Variants in PPP2R5A observed in about 807,000 individuals in gnomAD.
PPP2R5A encodes protein phosphatase 2 regulatory subunit B'alpha.
PPP2R5A carries 25 observed loss-of-function variants against 64.2 expected under a neutral mutation model. That is an observed-to-expected ratio of 0.39 (90% CI 0.28 to 0.54). PPP2R5A has a LOEUF of 0.54. Ranked by LOEUF, PPP2R5A falls within the 20% of genes least tolerant of loss-of-function variation. The pLI, the probability that PPP2R5A is intolerant of heterozygous loss-of-function variation, is 0.67. For missense variants in PPP2R5A, 425 were observed against 576.3 expected (o/e 0.74, Z 2.69); for synonymous variants, 198 against 201.2 (o/e 0.98, Z 0.13).
At chr1:212,347,506 G>T in intron 6 of PPP2R5A, 100 bp downstream of exon 6, 3 of 859,280 alleles carry the variant, frequency 3.5e-6, no homozygotes, top group East Asian at 2.7e-5. Context: ...ATATTTTAGA[G>T]TTTAAATGTA....
At chr1:212,321,592 G>A (rs1255725673) in intron 1 of PPP2R5A, among the ~76,000 whole-genome samples, 3 of 147,056 alleles carry the variant, frequency 2.0e-5, no homozygotes, top group Non-Finnish European at 4.4e-5. Flanking sequence ...CCCAGACAGG[G>A]TGGCAGGGCA....
At chr1:212,312,608 T>G (rs993887404) in intron 1 of PPP2R5A, among the ~76,000 whole-genome samples, 2 of 152,208 alleles carry the variant, frequency 1.3e-5, no homozygotes, top group Admixed American at 1.3e-4. Flanking sequence ...ATTTCATAGC[T>G]TTCAGGTACA....
chr1:212,300,852 A>T (rs1658788077), intron 1 of PPP2R5A, among the ~76,000 whole-genome samples: 1 of 152,078 alleles, frequency 6.6e-6, no homozygotes, highest in African/African-American at 2.4e-5. Flanking sequence ...TGGAAAATCC[A>T]ATTTAAAGAA....
At chr1:212,305,516 A>G (rs1008675244) in intron 1 of PPP2R5A, among the ~76,000 whole-genome samples, 1 of 152,006 alleles carries the variant, frequency 6.6e-6, no homozygotes, top group African/African-American at 2.4e-5. Flanking sequence ...GGAGTGTTCT[A>G]TAGTGAGTAT....
At position 212,345,940 on chromosome 1, in the gene PPP2R5A, T is replaced by C. The variant is rs1170468478; in HGVS notation, c.704+7T>C. The C allele has an allele frequency of 6.3e-7, 1 of 1,582,036 alleles. No individual in the cohort carries two copies. ...TTAACAACATTTTCCTCAGGTAAAT[T>C]AATCATTTATTGTATATTGCACCTT... On this transcript the variant is annotated splice_region_variant and intron_variant, in intron 5 of 12. Transcript: ENST00000261461.
At chr1:212,324,046 T>C (rs1471798468) in intron 1 of PPP2R5A, among the ~76,000 whole-genome samples, 1 of 151,000 alleles carries the variant, frequency 6.6e-6, no homozygotes. Context: ...CACTCCAGCC[T>C]GGGCGACAGA....
At chr1:212,355,577 A>T (rs887825220) in intron 8 of PPP2R5A, among the ~76,000 whole-genome samples, 2 of 152,134 alleles carry the variant, frequency 1.3e-5, no homozygotes, top group African/African-American at 4.8e-5. Flanking sequence ...GTTTCTGATA[A>T]ATTCTTTTAG....
chr1:212,307,826 A>G (rs1451351564), intron 1 of PPP2R5A, among the ~76,000 whole-genome samples: 1 of 152,094 alleles, frequency 6.6e-6, no homozygotes, highest in Non-Finnish European at 1.5e-5. Flanking sequence ...GAACGTCTTC[A>G]TTTTGCCTTC....
chr1:212,301,348 C>A (rs1380308483), intron 1 of PPP2R5A, among the ~76,000 whole-genome samples: 1 of 152,100 alleles, frequency 6.6e-6, no homozygotes, highest in Non-Finnish European at 1.5e-5. Flanking sequence ...GCAGTAGTTG[C>A]GGATATACTT....
chr1:212,312,713 C>A (rs1444571571), intron 1 of PPP2R5A, among the ~76,000 whole-genome samples: 2 of 152,194 alleles, frequency 1.3e-5, no homozygotes, highest in African/African-American at 4.8e-5. Flanking sequence ...AAACAAAAAT[C>A]TGAATAGTTA....
intron 3 of PPP2R5A, among the ~76,000 whole-genome samples, chr1:212,336,468 A>C (rs2995255): frequency 0.83 from 126,614 of 152,166 alleles, 53,098 homozygotes; most frequent in African/African-American, 0.94. Context: ...CCCAGAGATA[A>C]AAGAAATTCT....
At chr1:212,323,113 A>G (rs1179920235) in intron 1 of PPP2R5A, among the ~76,000 whole-genome samples, 1 of 152,128 alleles carries the variant, frequency 6.6e-6, no homozygotes, top group African/African-American at 2.4e-5. Flanking sequence ...TTTTCTGTTT[A>G]TATTTAATCT....
intron 3 of PPP2R5A, among the ~76,000 whole-genome samples, chr1:212,338,615 C>T (rs954393318): frequency 1.3e-5 from 2 of 151,938 alleles, no homozygotes; most frequent in South Asian, 2.1e-4. Flanking sequence ...GGTGAAACCC[C>T]GTCTCTACTA....
intron 3 of PPP2R5A, among the ~76,000 whole-genome samples, chr1:212,336,654 T>C (rs573443732): frequency 6.6e-6 from 1 of 152,190 alleles, no homozygotes; most frequent in Non-Finnish European, 1.5e-5. Context: ...TTTATAGGAT[T>C]TGTCAATATA....
intron 1 of PPP2R5A, among the ~76,000 whole-genome samples, chr1:212,292,581 A>G (rs1019980442): frequency 1.3e-5 from 2 of 151,940 alleles, no homozygotes; most frequent in African/African-American, 4.8e-5. Flanking sequence ...TTGGTTTTCC[A>G]TATTTTTTTG....
At chr1:212,335,455 A>C (rs1415386911) in intron 3 of PPP2R5A, among the ~76,000 whole-genome samples, 1 of 151,328 alleles carries the variant, frequency 6.6e-6, no homozygotes, top group African/African-American at 2.4e-5. Context: ...AGCCTGGGCA[A>C]CAAGAGAGAA....
Position 212,305,199 on chromosome 1 carries a change from G to A in PPP2R5A, c.181+18908G>A, listed in dbSNP as rs372704716. 1.1e-4 allele frequency among the ~76,000 whole-genome samples: 17 copies of A among 151,652 alleles called. No homozygotes were observed. In the East Asian group the frequency reaches 1.2e-3, roughly 10 times the overall value. ...CTATAGGCGCCCGCTACCACGCCTG[G>A]CTAATGTTTTGTATTTTTAGTAGAG... On this transcript the variant is annotated intron_variant, in intron 1 of 12. Transcript: ENST00000261461.
chr1:212,310,926 G>A (rs540908973), intron 1 of PPP2R5A, among the ~76,000 whole-genome samples: 13 of 152,272 alleles, frequency 8.5e-5, no homozygotes, highest in African/African-American at 2.6e-4. Flanking sequence ...TCTCCTCTGC[G>A]TCTCTTTGAA....
intron 1 of PPP2R5A, among the ~76,000 whole-genome samples, chr1:212,323,881 GACCA>G (rs1423886714): frequency 6.6e-6 from 1 of 152,112 alleles, no homozygotes; most frequent in African/African-American, 2.4e-5. Flanking sequence ...AGACCAGCCT[GACCA>G]ACATGGTGAA....
Sources: gnomAD v4.1 joint callset for allele counts (sites outside exome capture counted in the v4.1 genomes callset) on GRCh38, gnomAD v4.1.1 for gene constraint, MANE v1.5 for transcripts, NCBI Gene and HGNC (gene_info 2026-07-23, HGNC 2026-07-21) for gene names.